ACSF3: variants seen among roughly 807,000 people sequenced by gnomAD.
ACSF3 encodes the protein malonate--CoA ligase ACSF3, mitochondrial.
A neutral mutation model predicts 53.2 loss-of-function variants in ACSF3; 78 were observed. The observed-to-expected ratio is 1.47, with a 90% CI of 1.22 to 1.77. The LOEUF is 1.77. ACSF3 is among the 40% of genes most tolerant of loss of function. The probability of loss-of-function intolerance (pLI) is 0.00; values close to 1 mark genes in which losing one functional copy is unlikely to be tolerated. For missense variants in ACSF3, 937 were observed against 771.1 expected (o/e 1.22, Z -2.55); for synonymous variants, 414 against 333.1 (o/e 1.24, Z -2.65).
intron 7 of ACSF3, among the ~76,000 whole-genome samples, chr16:89,132,254 G>A (rs1484621143): frequency 6.6e-6 from 1 of 152,324 alleles, no homozygotes; most frequent in Admixed American, 6.5e-5. Flanking sequence ...TTGACCTCCG[G>A]GGTCACAGCC....
chr16:89,114,122 C>T (rs563173363), intron 5 of ACSF3: 166 of 632,848 alleles, frequency 2.6e-4, no homozygotes, highest in Non-Finnish European at 4.2e-4. Flanking sequence ...CCCAACAGAT[C>T]GTTTTCAAAA....
At chr16:89,143,925 G>T (rs1334559387) in intron 8 of ACSF3, among the ~76,000 whole-genome samples, 1 of 152,222 alleles carries the variant, frequency 6.6e-6, no homozygotes, top group Non-Finnish European at 1.5e-5. Flanking sequence ...GATGTATAAT[G>T]AAGTATTTAT....
chr16:89,135,905 G>A (rs901334315), intron 8 of ACSF3, among the ~76,000 whole-genome samples: 7 of 152,222 alleles, frequency 4.6e-5, no homozygotes, highest in Non-Finnish European at 1.0e-4. Context: ...CTCCCAAGTA[G>A]CTGGGATTAC....
intron 4 of ACSF3, among the ~76,000 whole-genome samples, chr16:89,105,694 T>A (rs986450060): frequency 6.6e-6 from 1 of 152,216 alleles, no homozygotes; most frequent in Non-Finnish European, 1.5e-5. Context: ...GCGCTGACGG[T>A]GGCTGGTCTA....
intron 7 of ACSF3, among the ~76,000 whole-genome samples, chr16:89,124,639 C>A (rs1410408572): frequency 1.3e-5 from 2 of 151,570 alleles, no homozygotes; most frequent in South Asian, 2.1e-4. Flanking sequence ...TGTGCACATA[C>A]CATGTGTATG....
intron 10 of ACSF3, chr16:89,148,624 A>G (rs1204676773): frequency 1.3e-5 from 2 of 152,100 alleles, no homozygotes; most frequent in East Asian, 3.9e-4. Context: ...GGTCTGGAGA[A>G]CGGTGGCCCT....
At chr16:89,111,503 C>A (rs1460916471) in intron 4 of ACSF3, among the ~76,000 whole-genome samples, 1 of 152,220 alleles carries the variant, frequency 6.6e-6, no homozygotes, top group Non-Finnish European at 1.5e-5. Flanking sequence ...TTCGGTGCTC[C>A]GTGTGGAACA....
At chr16:89,140,629 C>T (rs1911571586) in intron 8 of ACSF3, among the ~76,000 whole-genome samples, 1 of 152,192 alleles carries the variant, frequency 6.6e-6, no homozygotes, top group Non-Finnish European at 1.5e-5. Context: ...CAGATCCAGG[C>T]TCGGGAACCA....
chr16:89,155,193 G>A lies in ACSF3; in HGVS notation c.*986G>A, dbSNP rs533639754. The A allele has an allele frequency of 4.4e-6, 2 of 454,162 alleles. No homozygotes were observed. The highest frequency in any genetic ancestry group is 6.9e-5 in the East Asian group (1 of 14,396). The allele number at this position is 454,162 out of a possible 1,614,324, so 28.1% of individuals were successfully genotyped here. ...AGAAGTTTCTGGACAATTTTCAGAAGAATAGGCTGCCTCCTCCCCACAGCC... is the reference window on the plus strand; with the variant it reads ...AGAAGTTTCTGGACAATTTTCAGAAAAATAGGCTGCCTCCTCCCCACAGCC... On this transcript the variant is annotated 3_prime_UTR_variant, in exon 11 of 11. Coordinates refer to ENST00000614302, the MANE Select transcript of ACSF3 (RefSeq NM_001243279.3).
intron 7 of ACSF3, among the ~76,000 whole-genome samples, chr16:89,125,868 T>G (rs1315887795): frequency 6.6e-6 from 1 of 152,180 alleles, no homozygotes; most frequent in African/African-American, 2.4e-5. Context: ...TTTACTTAGA[T>G]CCGTGAACAC....
At chr16:89,142,084 C>T (rs1597231036) in intron 8 of ACSF3, among the ~76,000 whole-genome samples, 2 of 152,084 alleles carry the variant, frequency 1.3e-5, no homozygotes, top group Non-Finnish European at 1.5e-5. Context: ...CCGACCCCTA[C>T]GGTTCTTCCC....
chr16:89,096,904 G>T (rs1389290927), intron 1 of ACSF3, among the ~76,000 whole-genome samples: 1 of 152,240 alleles, frequency 6.6e-6, no homozygotes, highest in Admixed American at 6.5e-5. Context: ...CCTCCCAGGG[G>T]CTGGTGGCAG....
chr16:89,154,124 C>G lies in ACSF3; in HGVS notation c.1648C>G (p.Leu550Val). The G allele has an allele frequency of 4.3e-6, 7 of 1,613,398 alleles. No homozygotes were observed. The highest frequency in any genetic ancestry group is 5.9e-6 in the Non-Finnish European group (7 of 1,179,766). Reference sequence around the variant, plus strand: ...GGCCCCGTACGCGGTGCCCTCGGAGCTGGTGCTGGTGGAGGAGATCCCGCG... The same window carrying G: ...GGCCCCGTACGCGGTGCCCTCGGAGGTGGTGCTGGTGGAGGAGATCCCGCG... ...VLAPYAVPSELVLVEEIPRNQ... is the reference protein window; with the variant it reads ...VLAPYAVPSEVVLVEEIPRNQ... The change falls in exon 11 of 11, where the codon CTG becomes GTG. Residue 550 changes from leucine to valine, a missense_variant. By Grantham distance (32) the Leu-to-Val change is conservative. Coordinates refer to ENST00000614302, the MANE Select transcript of ACSF3 (RefSeq NM_001243279.3).
chr16:89,119,017 C>T (rs563994923), intron 6 of ACSF3, among the ~76,000 whole-genome samples: 1 of 151,696 alleles, frequency 6.6e-6, no homozygotes, highest in South Asian at 2.1e-4. Flanking sequence ...CGAGCTCTCA[C>T]GGGTGGCACC....
chr16:89,152,700 T>G (rs540592193), intron 10 of ACSF3: 1 of 152,292 alleles, frequency 6.6e-6, no homozygotes, highest in African/African-American at 2.4e-5. Context: ...GTCATAGTTT[T>G]ATACAACTAT....
chr16:89,121,112 G>T (rs1211209655), intron 7 of ACSF3, among the ~76,000 whole-genome samples, 199 bp downstream of exon 7: 1 of 152,230 alleles, frequency 6.6e-6, no homozygotes, highest in African/African-American at 2.4e-5. Flanking sequence ...GTGTCCGTCT[G>T]TGCGTTCACA....
intron 3 of ACSF3, 117 bp from the exon 4 acceptor site, chr16:89,102,484 TCTC>T: frequency 1.7e-6 from 2 of 1,207,558 alleles, no homozygotes; most frequent in Non-Finnish European, 2.4e-6. Flanking sequence ...GAGCCAGCCT[TCTC>T]CTTCCCCTTC....
chr16:89,139,439 C>T (rs965739590), intron 8 of ACSF3, among the ~76,000 whole-genome samples: 4 of 152,088 alleles, frequency 2.6e-5, no homozygotes, highest in Admixed American at 1.3e-4. Flanking sequence ...CTCTCCGGGT[C>T]TTCGTTCTGC....
chr16:89,140,533 A>G lies in ACSF3; in HGVS notation c.1367-4734A>G, dbSNP rs73256051. Among the ~76,000 whole-genome samples, 1,284 of 152,254 alleles carry G rather than the reference A, an allele frequency of 8.4e-3. 21 individuals are homozygous for G. Among genetic ancestry groups the G allele is most frequent in the African/African-American group, 0.029 (1,208 of 41,548 alleles). On this transcript the variant is annotated intron_variant, in intron 8 of 10. Transcript: ENST00000614302. ...ACATTCTGTTGCTGGCATCAGTGCC[A>G]TTTGGGAGCAAAAGTCCGACAGGCT...
Sources: allele counts gnomAD v4.1 joint callset (sites outside exome capture counted in the v4.1 genomes callset), GRCh38; gene constraint gnomAD v4.1.1; transcripts MANE v1.5; gene names NCBI Gene and HGNC (gene_info 2026-07-23, HGNC 2026-07-21).